The following MUC12 variants were observed in gnomAD, a reference collection of about 807,000 sequenced individuals.
MUC12 encodes mucin 12, cell surface associated.
MUC12 carries 172 observed loss-of-function variants against 230.8 expected under a neutral mutation model. The ratio of observed to expected loss-of-function variants is 0.75; its 90% CI spans 0.66 to 0.85. The LOEUF (loss-of-function observed/expected upper bound fraction) is 0.85. MUC12 is among the 40% of genes least tolerant of loss of function. The pLI is 0.00. For missense variants in MUC12, 3,506 were observed against 5,920.6 expected, an observed-to-expected ratio of 0.59 and a Z score of 13.38; for synonymous variants, 1,259 against 2,401.9, an observed-to-expected ratio of 0.52 and a Z score of 13.91.
At chr7:100,969,974 G>A (rs112361350) in intron 1 of MUC12, among the ~76,000 whole-genome samples, 1,419 of 151,980 alleles carry the variant, frequency 9.3e-3, no homozygotes, top group African/African-American at 0.032. Flanking sequence ...GGCTCCCCCC[G>A]GGAGGATGAA....
rs1414816923 is a variant in MUC12, at chr7:100,995,906, A to T, written c.5343A>T (p.Thr1781=). The change falls in exon 2 of 12, where the codon ACA becomes ACT. Residue 1781 remains threonine, a synonymous_variant. Coordinates refer to ENST00000536621, the MANE Select transcript of MUC12 (RefSeq NM_001164462.2). The stretch of plus-strand genomic sequence containing the variant: ...ACAGCAGCCCGGGCTCAACTCAAAC[A>T]ATGCACTTCCCTGAAAGCTCCACAG... The part of the protein sequence containing the change: ...AYHSSPGSTQ[T]MHFPESSTAS... The T allele has an allele frequency of 1.5e-6, 2 of 1,338,298 alleles. No homozygotes were observed. The highest frequency in any genetic ancestry group is 2.0e-6 in the Non-Finnish European group (2 of 994,046). The allele number at this position is 1,338,298 out of a possible 1,614,324, so 82.9% of individuals were successfully genotyped here. A position where few individuals can be genotyped will look rare whatever the true frequency, so the allele number is the denominator to read the frequency against.
At chr7:100,979,048 A>G (rs1468532862) in intron 1 of MUC12, among the ~76,000 whole-genome samples, 2 of 152,104 alleles carry the variant, frequency 1.3e-5, no homozygotes, top group Admixed American at 1.3e-4. Context: ...GGCCTCAAGC[A>G]AACCTCCTGC....
In MUC12 at chr7:100,991,175, CACA is replaced by C; in HGVS notation, c.616_618del (p.Thr206del). The C allele has an allele frequency of 6.5e-7, 1 of 1,537,610 alleles. No individual in the cohort carries two copies. Among genetic ancestry groups the C allele is most frequent in the South Asian group, 1.2e-5 (1 of 84,042 alleles). ...CCCACAGCATCCCCGGCTCCACAGA[CACA>C]ACACTGTCCCCTGGCACTACCACAC... is the stretch of plus-strand genomic sequence containing the variant. On this transcript the variant is annotated inframe_deletion, in exon 2 of 12. Coordinates refer to ENST00000536621, the MANE Select transcript of MUC12 (RefSeq NM_001164462.2).
chr7:100,980,187 G>A (rs1793085577), intron 1 of MUC12, among the ~76,000 whole-genome samples: 1 of 152,178 alleles, frequency 6.6e-6, no homozygotes. Context: ...GGGTCTATAG[G>A]TGTGCCACCA....
At chr7:100,987,071 T>G (rs1359701705) in intron 1 of MUC12, among the ~76,000 whole-genome samples, 6 of 143,014 alleles carry the variant, frequency 4.2e-5, no homozygotes, top group East Asian at 4.1e-4. Flanking sequence ...TTTTTTTTTT[T>G]TTTTTTTTTT....
At position 101,013,009 on chromosome 7, in the gene MUC12, T is replaced by C; in HGVS notation, c.15505T>C (p.Tyr5169His). 6.5e-7 allele frequency: 1 copy of C among 1,537,308 alleles called. No homozygotes were observed. The highest frequency in any genetic ancestry group is 8.7e-7 in the Non-Finnish European group (1 of 1,146,942). ...ATGCACCCAGAAGGCTGCCGAAGGATATACCCAGTTCTACTATGTGGATGT... is the reference window on the plus strand; with the variant it reads ...ATGCACCCAGAAGGCTGCCGAAGGACATACCCAGTTCTACTATGTGGATGT... Reference protein sequence around the residue: ...EQCTQKAAEGYTQFYYVDVLD... With the variant: ...EQCTQKAAEGHTQFYYVDVLD... The change falls in exon 8 of 12, where the codon TAT becomes CAT. Residue 5169 changes from tyrosine (Y) to histidine (H), a missense_variant. Transcript: ENST00000536621.
Position 100,990,953 on chromosome 7 carries a change from A to G in MUC12, c.390A>G (p.Thr130=), listed in dbSNP as rs1288462947. Residue 130 remains threonine (T), a synonymous_variant, in exon 2 of 12, where the codon ACA becomes ACG. Coordinates refer to ENST00000536621, the MANE Select transcript of MUC12 (RefSeq NM_001164462.2). The part of the protein sequence containing the change: ...ETTALPGSTT[T]AGLSEKSTTF... ...CAGCGTTACCTGGCAGTACCACAAC[A>G]GCAGGCCTGAGTGAGAAATCTACCA... 5 of 1,537,870 alleles carry G rather than the reference A, an allele frequency of 3.3e-6. No homozygotes were observed. The highest frequency in any genetic ancestry group is 3.5e-6 in the Non-Finnish European group (4 of 1,147,048).
chr7:100,972,994 G>C (rs1238883552), intron 1 of MUC12: 1 of 702,998 alleles, frequency 1.4e-6, no homozygotes, highest in Non-Finnish European at 2.6e-6. Context: ...AGATGAGGGG[G>C]CATCTGCTGG....
At position 100,991,639 on chromosome 7, in the gene MUC12, C is replaced by T. The variant is rs781392118; in HGVS notation, c.1076C>T (p.Thr359Ile). ...SATSGHVEES[T>I]AYHRSPGSTQ... ...ACCTCAGGCCATGTTGAAGAATCTA[C>T]AGCCTACCACAGGAGCCCGGGCTCA... is the stretch of plus-strand genomic sequence containing the variant. The change falls in exon 2 of 12, where the codon ACA (threonine) becomes ATA (isoleucine). Residue 359 changes from threonine (T) to isoleucine (I), a missense_variant. Transcript: ENST00000536621. The T allele has an allele frequency of 2.6e-6, 4 of 1,534,994 alleles. No homozygotes were observed. The highest frequency in any genetic ancestry group is 2.0e-5 in the Admixed American group (1 of 50,956).
At position 101,014,093 on chromosome 7, in the gene MUC12, C is replaced by A; in HGVS notation, c.15800+19C>A. 6.6e-7 allele frequency: 1 copy of A among 1,516,698 alleles called. No individual in the cohort carries two copies. The highest frequency in any genetic ancestry group is 8.8e-7 in the Non-Finnish European group (1 of 1,135,174). The allele number at this position is 1,516,698 out of a possible 1,614,324, so 94.0% of individuals were successfully genotyped here. On this transcript the variant is annotated intron_variant, in intron 9 of 11. Coordinates refer to ENST00000536621, the MANE Select transcript of MUC12 (RefSeq NM_001164462.2). ...GGCACAGGTGAGCTTGTGAGGCCAG[C>A]ACCGCAGGCCCACACAGAGGGGACA... is the stretch of plus-strand genomic sequence containing the variant.
chr7:100,986,859 C>T (rs1793198393), intron 1 of MUC12, among the ~76,000 whole-genome samples: 1 of 152,134 alleles, frequency 6.6e-6, no homozygotes, highest in African/African-American at 2.4e-5. Context: ...CTGTAGAATT[C>T]CTAGTAACTC....
At chr7:101,010,414 G>A (rs1793823457) in intron 5 of MUC12, among the ~76,000 whole-genome samples, 1 of 152,140 alleles carries the variant, frequency 6.6e-6, no homozygotes, top group African/African-American at 2.4e-5. Flanking sequence ...ATGGCTCACT[G>A]CAGGCTCAAC....
At chr7:100,987,059 G>A (rs919453973) in intron 1 of MUC12, among the ~76,000 whole-genome samples, 2 of 110,590 alleles carry the variant, frequency 1.8e-5, no homozygotes, top group Non-Finnish European at 1.7e-5. Context: ...CCAAGATAAT[G>A]GTTTTTTTTT....
Position 101,004,633 on chromosome 7 carries a change from A to T in MUC12, c.14070A>T (p.Pro4690=). The change falls in exon 2 of 12, where the codon CCA becomes CCT. Residue 4690 remains proline (P), a synonymous_variant. Transcript: ENST00000536621. The part of the protein sequence containing the change: ...SEESTASHSS[P]DTNGITPLPA... The stretch of plus-strand genomic sequence containing the variant: ...AATCAACAGCATCCCACAGCAGCCC[A>T]GATACAAATGGAATCACACCCTTAC... 6.5e-7 allele frequency: 1 copy of T among 1,537,470 alleles called. No homozygotes were observed. The highest frequency in any genetic ancestry group is 8.7e-7 in the Non-Finnish European group (1 of 1,146,644).
chr7:100,984,054 G>T (rs1286578004), intron 1 of MUC12, among the ~76,000 whole-genome samples: 1 of 152,106 alleles, frequency 6.6e-6, no homozygotes, highest in African/African-American at 2.4e-5. Flanking sequence ...CCCCCATGAG[G>T]GGCGGGGGGT....
intron 1 of MUC12, among the ~76,000 whole-genome samples, chr7:100,982,656 T>C (rs769214793): frequency 5.3e-5 from 8 of 152,022 alleles, no homozygotes; most frequent in Non-Finnish European, 1.2e-4. Context: ...CTCAAACTCC[T>C]GGGTTCAAGT....
Position 100,991,360 on chromosome 7 carries a change from C to A in MUC12, c.797C>A (p.Ser266Tyr). 2 of 1,537,762 alleles carry A rather than the reference C, an allele frequency of 1.3e-6. No homozygotes were observed. Among genetic ancestry groups the A allele is most frequent in the Non-Finnish European group, 1.7e-6 (2 of 1,147,000 alleles). The change falls in exon 2 of 12, where the codon TCC becomes TAC. Residue 266 changes from serine to tyrosine, a missense_variant. Coordinates refer to ENST00000536621, the MANE Select transcript of MUC12 (RefSeq NM_001164462.2). ...TCGCCACACACAACACTGTCCCCTT[C>A]CAGCTCTACAACCCATGAGGGAGAA... ...TGSPHTTLSP[S>Y]SSTTHEGEPT... is the part of the protein sequence containing the mutation.
chr7:101,004,461 C>T lies in MUC12; in HGVS notation c.13898C>T (p.Ser4633Phe). 1.3e-6 allele frequency: 2 copies of T among 1,529,128 alleles called. No individual in the cohort carries two copies. Among genetic ancestry groups the T allele is most frequent in the South Asian group, 2.4e-5 (2 of 83,428 alleles). The allele number at this position is 1,529,128 out of a possible 1,614,324, so 94.7% of individuals were successfully genotyped here. Residue 4633 changes from serine to phenylalanine, a missense_variant, in exon 2 of 12, where the codon TCC becomes TTC. Ser to Phe is a radical substitution (Grantham distance 155). Coordinates refer to ENST00000536621, the MANE Select transcript of MUC12 (RefSeq NM_001164462.2). ...ASGRSEESRT[S>F]HSSTTHTISS... ...GGTCGTAGTGAAGAATCAAGAACTTCCCACAGCAGCACAACACACACAATA... is the reference window on the plus strand; with the variant it reads ...GGTCGTAGTGAAGAATCAAGAACTTTCCACAGCAGCACAACACACACAATA...
chr7:100,973,905 C>A (rs1030188640), intron 1 of MUC12, among the ~76,000 whole-genome samples: 13 of 151,872 alleles, frequency 8.6e-5, no homozygotes, highest in African/African-American at 3.1e-4. Context: ...GTAATCCCAG[C>A]ACCTTGGGAG....
Sources: allele counts gnomAD v4.1 joint callset (sites outside exome capture counted in the v4.1 genomes callset), GRCh38; gene constraint gnomAD v4.1.1; transcripts MANE v1.5; gene names NCBI Gene and HGNC (gene_info 2026-07-23, HGNC 2026-07-21).